TIAM2: variants seen among roughly 807,000 people sequenced by gnomAD.
TIAM2 encodes TIAM Rac1 associated GEF 2.
A neutral mutation model predicts 152.9 loss-of-function variants in TIAM2; 80 were observed. The ratio of observed to expected loss-of-function variants is 0.52; its 90% confidence interval spans 0.44 to 0.63. The LOEUF is 0.63. Ranked by LOEUF, TIAM2 falls within the 30% of genes least tolerant of loss-of-function variation. The probability of loss-of-function intolerance (pLI) is 0.00; values close to 1 mark genes in which losing one functional copy is unlikely to be tolerated. For synonymous variants in TIAM2, 804 were observed against 838.0 expected, an observed-to-expected ratio of 0.96 and a Z score of 0.70; for missense variants, 1,965 against 2,120.1, an observed-to-expected ratio of 0.93 and a Z score of 1.44.
intron 1 of TIAM2, among the ~76,000 whole-genome samples, chr6:155,014,286 T>G (rs182328918): frequency 1.3e-5 from 2 of 152,326 alleles, no homozygotes; most frequent in Admixed American, 1.3e-4. Flanking sequence ...CTTATTCTTA[T>G]GTCTTTATCT....
At chr6:155,073,549 C>T (rs1254363005) in intron 1 of TIAM2, among the ~76,000 whole-genome samples, 3 of 152,136 alleles carry the variant, frequency 2.0e-5, no homozygotes, top group African/African-American at 7.2e-5. Context: ...GATATTTCCA[C>T]TTTGGTTCCA....
intron 1 of TIAM2, among the ~76,000 whole-genome samples, chr6:155,059,672 A>C (rs979702379): frequency 6.6e-6 from 1 of 152,160 alleles, no homozygotes; most frequent in African/African-American, 2.4e-5. Flanking sequence ...TTTGGACAGA[A>C]TATCATAAAG....
chr6:155,199,561 A>T (rs1781432209), intron 14 of TIAM2, among the ~76,000 whole-genome samples: 2 of 152,244 alleles, frequency 1.3e-5, no homozygotes, highest in African/African-American at 2.4e-5. Context: ...CTTGACTCTT[A>T]AAACAAGGGA....
chr6:155,100,328 T>C (rs1462064479), intron 2 of TIAM2, among the ~76,000 whole-genome samples: 1 of 152,218 alleles, frequency 6.6e-6, no homozygotes, highest in Non-Finnish European at 1.5e-5. Flanking sequence ...AGTGTTGCCT[T>C]GTTGAAGATG....
intron 1 of TIAM2, among the ~76,000 whole-genome samples, chr6:155,052,090 T>C (rs1777332120): frequency 6.6e-6 from 1 of 152,112 alleles, no homozygotes; most frequent in Non-Finnish European, 1.5e-5. Context: ...CTATGGAAAG[T>C]TGATCTCCTT....
chr6:155,247,209 T>G (rs2115334692), intron 19 of TIAM2, among the ~76,000 whole-genome samples: 1 of 152,328 alleles, frequency 6.6e-6, no homozygotes, highest in African/African-American at 2.4e-5. Flanking sequence ...CCCTTAAGTG[T>G]ACAGAATACA....
chr6:155,182,422 C>A, intron 13 of TIAM2, 104 bp downstream of exon 13: 2 of 1,039,344 alleles, frequency 1.9e-6, no homozygotes, highest in South Asian at 1.4e-5. Context: ...AAAAAGGTTG[C>A]TCCTGGAATT....
Position 155,249,942 on chromosome 6 carries a change from A to G in TIAM2, c.3924A>G (p.Val1308=). 1 of 1,614,086 alleles carries G rather than the reference A, an allele frequency of 6.2e-7. No homozygotes were observed. Among genetic ancestry groups the G allele is most frequent in the East Asian group, 2.2e-5 (1 of 44,882 alleles). Residue 1308 remains valine (V), a synonymous_variant, in exon 21 of 27, where the codon GTA becomes GTG. Coordinates refer to ENST00000682666, the MANE Select transcript of TIAM2 (RefSeq NM_012454.4). ...ATGGGACCGTGTTTGACCAGCTAGT[A>G]GCTGAGCAGAGCGGAACAGAGAAGG... ...EDYGTVFDQL[V]AEQSGTEKEV...
intron 19 of TIAM2, among the ~76,000 whole-genome samples, chr6:155,246,856 A>C (rs556225342): frequency 6.6e-6 from 1 of 152,364 alleles, no homozygotes; most frequent in South Asian, 2.1e-4. Context: ...TTTTGATCTT[A>C]CAACACAATC....
chr6:155,039,872 A>C (rs7756470), intron 1 of TIAM2, among the ~76,000 whole-genome samples: 137,784 of 152,276 alleles, frequency 0.9, 62,513 homozygotes, highest in African/African-American at 0.95. Flanking sequence ...AAGTGTGTTA[A>C]ATTCAGAAGA....
At chr6:155,080,476 G>A (rs1323791099) in intron 1 of TIAM2, among the ~76,000 whole-genome samples, 1 of 149,460 alleles carries the variant, frequency 6.7e-6, no homozygotes, top group Non-Finnish European at 1.5e-5. Context: ...GTCTTGCTCT[G>A]TCCCCCAGGC....
chr6:155,122,288 T>C (rs2115024921), intron 2 of TIAM2, among the ~76,000 whole-genome samples: 1 of 151,908 alleles, frequency 6.6e-6, no homozygotes, highest in East Asian at 1.9e-4. Context: ...AGCATACTCA[T>C]GTGAATGGGG....
intron 9 of TIAM2, among the ~76,000 whole-genome samples, chr6:155,169,879 C>T (rs921754158): frequency 2.6e-5 from 4 of 151,888 alleles, no homozygotes; most frequent in African/African-American, 7.3e-5. Flanking sequence ...AGTGCAGTGG[C>T]GTGATCTCGG....
intron 1 of TIAM2, among the ~76,000 whole-genome samples, chr6:155,089,407 G>A (rs143400242): frequency 1.5e-3 from 222 of 152,192 alleles, no homozygotes; most frequent in Admixed American, 2.8e-3. Flanking sequence ...GGGTTTCACC[G>A]TACTGGCCAG....
At chr6:155,005,057 C>A in intron 1 of TIAM2, 1 of 460,132 alleles carries the variant, frequency 2.2e-6, no homozygotes, top group South Asian at 3.7e-5. Context: ...AGTGGATGGT[C>A]AGTTGCACCA....
chr6:155,168,346 A>G (rs1780494024), intron 9 of TIAM2, among the ~76,000 whole-genome samples: 1 of 151,964 alleles, frequency 6.6e-6, no homozygotes, highest in African/African-American at 2.4e-5. Flanking sequence ...CATATCAAGA[A>G]TGAATTTATT....
chr6:155,119,969 C>G (rs745624178), intron 2 of TIAM2, among the ~76,000 whole-genome samples: 3 of 152,168 alleles, frequency 2.0e-5, no homozygotes, highest in Non-Finnish European at 4.4e-5. Flanking sequence ...ATCAATTCAT[C>G]GAATGGATTT....
Position 154,999,069 on chromosome 6 carries a change from C to G in TIAM2, c.-209+3577C>G, listed in dbSNP as rs987749296. On this transcript the variant is annotated intron_variant, in intron 1 of 26. Coordinates refer to ENST00000682666, the MANE Select transcript of TIAM2 (RefSeq NM_012454.4). ...TTAAAGTAATTGATAAGAAATGATGCAAAGTCCATTTGGAGTGGAATTTGG... is the reference window on the plus strand; with the variant it reads ...TTAAAGTAATTGATAAGAAATGATGGAAAGTCCATTTGGAGTGGAATTTGG... 3.9e-5 allele frequency among the ~76,000 whole-genome samples: 6 copies of G among 152,116 alleles called. No individual in the cohort carries two copies. In the East Asian group the frequency reaches 1.2e-3, roughly 29 times the overall value.
At chr6:155,083,206 G>A (rs541484892) in intron 1 of TIAM2, among the ~76,000 whole-genome samples, 1 of 152,076 alleles carries the variant, frequency 6.6e-6, no homozygotes, top group African/African-American at 2.4e-5. Flanking sequence ...AAAATTAGCC[G>A]GGGATGGTGG....
Sources: gnomAD v4.1 joint callset for allele counts (sites outside exome capture counted in the v4.1 genomes callset) on GRCh38, gnomAD v4.1.1 for gene constraint, MANE v1.5 for transcripts, NCBI Gene and HGNC (gene_info 2026-07-23, HGNC 2026-07-21) for gene names.